The following LRAT variants were observed in gnomAD, a reference collection of about 807,000 sequenced individuals.
LRAT encodes lecithin retinol acyltransferase, also known as lecithin retinol acyltransferase (phosphatidylcholine--retinol O-acyltransferase).
LRAT carries 11 observed loss-of-function variants against 14.2 expected under a neutral mutation model. The observed-to-expected ratio is 0.78, with a 90% CI of 0.49 to 1.29. LRAT has a LOEUF of 1.29. Ranked by LOEUF, LRAT falls within the 50% of genes most tolerant of loss-of-function variation. The probability of loss-of-function intolerance (pLI) is 0.00; values close to 1 mark genes in which losing one functional copy is unlikely to be tolerated. For missense variants in LRAT, 274 were observed against 292.4 expected (o/e 0.94, Z 0.46); for synonymous variants, 144 against 124.8 (o/e 1.15, Z -1.03).
In LRAT at chr4:154,749,070, G is replaced by C; in HGVS notation, c.627G>C (p.Thr209=). Residue 209 remains threonine (T), a synonymous_variant, in exon 3 of 3, where the codon ACG becomes ACC. Coordinates refer to ENST00000336356, the MANE Select transcript of LRAT (RefSeq NM_004744.5). ...AVLGLASIVC[T]GLVSYTTLPA... ...TGGGATTGGCGTCTATAGTCTGTAC[G>C]GGCTTGGTATCATACACTACCCTTC... 1 of 1,613,692 alleles carries C rather than the reference G, an allele frequency of 6.2e-7. No individual in the cohort carries two copies. Among genetic ancestry groups the C allele is most frequent in the Non-Finnish European group, 8.5e-7 (1 of 1,179,718 alleles).
chr4:154,745,129 C>T (rs944675518), intron 2 of LRAT, among the ~76,000 whole-genome samples: 7 of 148,334 alleles, frequency 4.7e-5, no homozygotes, highest in Non-Finnish European at 8.9e-5. Flanking sequence ...CGCCATTCTC[C>T]TGCCTCAGCC....
At chr4:154,744,949 G>C in intron 2 of LRAT, 83 bp downstream of exon 2, 2 of 1,358,224 alleles carry the variant, frequency 1.5e-6, no homozygotes, top group East Asian at 2.3e-5. Flanking sequence ...CCCGCGAGTA[G>C]GGATCTAATT....
In LRAT at chr4:154,748,808, C is replaced by T. The variant is rs569522455; in HGVS notation, c.541-176C>T. On this transcript the variant is annotated intron_variant, in intron 2 of 2. Transcript: ENST00000336356. ...CTAAGGGATCATTTCTGCTACTATA[C>T]GGTATAGAATCAGAACTGGACTCTT... Among the ~76,000 whole-genome samples the T allele has an allele frequency of 4.3e-4, 66 of 152,154 alleles. No homozygotes were observed. In the South Asian group the frequency reaches 0.012, roughly 27 times the overall value.
rs898675546 is a variant in LRAT, at chr4:154,750,193, T to C, written c.*1057T>C. Reference sequence around the variant, plus strand: ...CAGATTTGTTTTCTAGTCACTTTTTTCCATATCATTTCTAATTATAGTTTA... The same window carrying C: ...CAGATTTGTTTTCTAGTCACTTTTTCCCATATCATTTCTAATTATAGTTTA... On this transcript the variant is annotated 3_prime_UTR_variant, in exon 3 of 3. Transcript: ENST00000336356. 6.6e-6 allele frequency: 1 copy of C among 152,148 alleles called. No individual in the cohort carries two copies. Among genetic ancestry groups the C allele is most frequent in the Admixed American group, 6.5e-5 (1 of 15,282 alleles). The allele number at this position is 152,148 out of a possible 1,614,324, so 9.4% of individuals were successfully genotyped here. A position where few individuals can be genotyped will look rare whatever the true frequency, so the allele number is the denominator to read the frequency against.
chr4:154,743,138 C>T (rs1490765749), upstream of LRAT, among the ~76,000 whole-genome samples: 1 of 125,400 alleles, frequency 8.0e-6, no homozygotes, highest in African/African-American at 2.7e-5. Context: ...CCCCCCCCCC[C>T]GCCCTACACA....
At position 154,744,486 on chromosome 4, in the gene LRAT, C is replaced by T. The variant is rs375712657; in HGVS notation, c.160C>T (p.Pro54Ser). Residue 54 changes from proline (P) to serine (S), a missense_variant, in exon 2 of 3, where the codon CCC (proline) becomes TCC (serine). Transcript: ENST00000336356. ...SFHRGDVLEV[P>S]RTHLTHYGIY... Reference sequence around the variant, plus strand: ...CCACCGAGGCGACGTGCTGGAGGTGCCCCGGACCCACCTGACCCACTATGG... The same window carrying T: ...CCACCGAGGCGACGTGCTGGAGGTGTCCCGGACCCACCTGACCCACTATGG... The T allele has an allele frequency of 1.2e-6, 2 of 1,614,078 alleles. No individual in the cohort carries two copies. The highest frequency in any genetic ancestry group is 1.7e-6 in the Non-Finnish European group (2 of 1,180,012).
At chr4:154,745,929 G>T (rs1419276207) in intron 2 of LRAT, among the ~76,000 whole-genome samples, 2 of 152,042 alleles carry the variant, frequency 1.3e-5, no homozygotes, top group Non-Finnish European at 2.9e-5. Flanking sequence ...TTGTTTATGG[G>T]TTCCCCAGAG....
At chr4:154,741,803 C>T (rs980256483), upstream of LRAT, among the ~76,000 whole-genome samples, 5 of 152,208 alleles carry the variant, frequency 3.3e-5, no homozygotes, top group African/African-American at 1.2e-4. Context: ...TTTTTATATA[C>T]ATAAAAGAAT....
rs1176617481 is a variant in LRAT at position 154,750,750 on chromosome 4, G to T, written c.*1614G>T. 1.3e-5 allele frequency: 2 copies of T among 152,070 alleles called. No homozygotes were observed. Among genetic ancestry groups the T allele is most frequent in the Non-Finnish European group, 2.9e-5 (2 of 68,018 alleles). The allele number at this position is 152,070 out of a possible 1,614,324, so 9.4% of individuals were successfully genotyped here. ...AACCACTTAAAATTATCTTAAGTAT[G>T]CATACATAAAAGCAACCACTATGAG... is the stretch of plus-strand genomic sequence containing the variant. On this transcript the variant is annotated 3_prime_UTR_variant, in exon 3 of 3. Transcript: ENST00000336356.
upstream of LRAT, among the ~76,000 whole-genome samples, chr4:154,741,929 C>T (rs140211250): frequency 1.2e-3 from 184 of 152,290 alleles, no homozygotes; most frequent in Non-Finnish European, 1.8e-3. Flanking sequence ...TAGTGACCAC[C>T]AGGGACGGAA....
rs1732837144 is a variant in LRAT at position 154,744,493 on chromosome 4, C to A, written c.167C>A (p.Thr56Asn). 1.2e-6 allele frequency: 2 copies of A among 1,613,972 alleles called. No individual in the cohort carries two copies. Among genetic ancestry groups the A allele is most frequent in the African/African-American group, 1.3e-5 (1 of 74,932 alleles). ...HRGDVLEVPR[T>N]HLTHYGIYLG... ...GGCGACGTGCTGGAGGTGCCCCGGACCCACCTGACCCACTATGGCATCTAC... is the reference window on the plus strand; with the variant it reads ...GGCGACGTGCTGGAGGTGCCCCGGAACCACCTGACCCACTATGGCATCTAC... The change falls in exon 2 of 3, where the codon ACC becomes AAC. Residue 56 changes from threonine (T) to asparagine (N), a missense_variant. Transcript: ENST00000336356.
intron 2 of LRAT, among the ~76,000 whole-genome samples, chr4:154,746,331 C>G (rs879369467): frequency 2.0e-5 from 3 of 152,026 alleles, no homozygotes; most frequent in Non-Finnish European, 2.9e-5. Flanking sequence ...ATTTTTTTGA[C>G]CCATTTGGGA....
rs1023042190 is a variant in LRAT at position 154,751,484 on chromosome 4, C to T, written c.*2348C>T. The T allele has an allele frequency of 1.1e-4, 17 of 151,896 alleles. No individual in the cohort carries two copies. Among genetic ancestry groups the T allele is most frequent in the Admixed American group, 1.1e-3 (17 of 15,240 alleles). The allele number at this position is 151,896 out of a possible 1,614,324, so 9.4% of individuals were successfully genotyped here. ...GGGCGCGGTGGCTCAAGCCTGTAAC[C>T]CCAGCACTTTGGGAGGCCAAGGAGG... On this transcript the variant is annotated 3_prime_UTR_variant, in exon 3 of 3. Transcript: ENST00000336356.
chr4:154,749,560 A>C lies in LRAT; in HGVS notation c.*424A>C, dbSNP rs1459973316. On this transcript the variant is annotated 3_prime_UTR_variant, in exon 3 of 3. Coordinates refer to ENST00000336356, the MANE Select transcript of LRAT (RefSeq NM_004744.5). ...GTTTCATTGAAAAAACAAATTGATA[A>C]ACATATTAAACTGGAAGAATTTTCT... is the stretch of plus-strand genomic sequence containing the variant. 6.3e-6 allele frequency: 1 copy of C among 159,668 alleles called. No individual in the cohort carries two copies. The highest frequency in any genetic ancestry group is 2.4e-5 in the African/African-American group (1 of 41,508). The allele number at this position is 159,668 out of a possible 1,614,324, so 9.9% of individuals were successfully genotyped here. A position where few individuals can be genotyped will look rare whatever the true frequency, so the allele number is the denominator to read the frequency against.
At chr4:154,747,132 T>C (rs544639403) in intron 2 of LRAT, among the ~76,000 whole-genome samples, 9 of 152,244 alleles carry the variant, frequency 5.9e-5, no homozygotes, top group Non-Finnish European at 1.3e-4. Context: ...AGTTGCCTCT[T>C]ACTTAAATTT....
At chr4:154,746,680 A>C (rs1030321170) in intron 2 of LRAT, among the ~76,000 whole-genome samples, 11 of 152,212 alleles carry the variant, frequency 7.2e-5, no homozygotes, top group Non-Finnish European at 1.3e-4. Flanking sequence ...TTCATGGAAC[A>C]CATATAGCGC....
In LRAT at chr4:154,751,542, C is replaced by G. The variant is rs1302405630; in HGVS notation, c.*2406C>G. 6.6e-6 allele frequency: 1 copy of G among 152,046 alleles called. No homozygotes were observed. Among genetic ancestry groups the G allele is most frequent in the Non-Finnish European group, 1.5e-5 (1 of 68,134 alleles). The allele number at this position is 152,046 out of a possible 1,614,324, so 9.4% of individuals were successfully genotyped here. A position where few individuals can be genotyped will look rare whatever the true frequency, so the allele number is the denominator to read the frequency against. On this transcript the variant is annotated 3_prime_UTR_variant, in exon 3 of 3. Coordinates refer to ENST00000336356, the MANE Select transcript of LRAT (RefSeq NM_004744.5). The stretch of plus-strand genomic sequence containing the variant: ...ACAAGGTCAGGAGATCGAGACCATC[C>G]TGGCTAACACGGTGAAACCCCATCT...
rs1460560877 is a variant in LRAT at position 154,749,075 on chromosome 4, T to G, written c.632T>G (p.Leu211Trp). The change falls in exon 3 of 3, where the codon TTG (leucine) becomes TGG (tryptophan). Residue 211 changes from leucine to tryptophan, a missense_variant. By Grantham distance (61) the Leu-to-Trp change is moderately conservative. Coordinates refer to ENST00000336356, the MANE Select transcript of LRAT (RefSeq NM_004744.5). The part of the protein sequence containing the change: ...LGLASIVCTG[L>W]VSYTTLPAIF... ...TTGGCGTCTATAGTCTGTACGGGCT[T>G]GGTATCATACACTACCCTTCCTGCA... 6 of 1,613,778 alleles carry G rather than the reference T, an allele frequency of 3.7e-6. No homozygotes were observed. Among genetic ancestry groups the G allele is most frequent in the African/African-American group, 1.3e-5 (1 of 74,910 alleles).
Position 154,752,470 on chromosome 4 carries a change from A to C in LRAT, c.*3334A>C, listed in dbSNP as rs1421924381. 1 of 152,234 alleles carries C rather than the reference A, an allele frequency of 6.6e-6. No homozygotes were observed. The highest frequency in any genetic ancestry group is 2.4e-5 in the African/African-American group (1 of 41,464). The allele number at this position is 152,234 out of a possible 1,614,324, so 9.4% of individuals were successfully genotyped here. On this transcript the variant is annotated 3_prime_UTR_variant, in exon 3 of 3. Transcript: ENST00000336356. ...GTCTGGTACAAGTCTTGTATAGAACAAGAAGTTTAGACTTTTGAACAGGCA... is the reference window on the plus strand; with the variant it reads ...GTCTGGTACAAGTCTTGTATAGAACCAGAAGTTTAGACTTTTGAACAGGCA...
Sources: gnomAD v4.1 joint callset for allele counts (sites outside exome capture counted in the v4.1 genomes callset) on GRCh38, gnomAD v4.1.1 for gene constraint, MANE v1.5 for transcripts, NCBI Gene and HGNC (gene_info 2026-07-23, HGNC 2026-07-21) for gene names.